FAM151B: variants seen among roughly 807,000 people sequenced by gnomAD.
The protein encoded by FAM151B is family with sequence similarity 151 member B, also known as protein FAM151B.
In FAM151B, 24 loss-of-function variants were observed where a neutral mutation model predicts 31.2. That is an observed-to-expected ratio of 0.77 (90% CI 0.56 to 1.08). FAM151B has a LOEUF of 1.08. FAM151B is among the 50% of genes least tolerant of loss of function. The pLI is 0.00. For missense variants in FAM151B, 293 were observed against 328.6 expected, an observed-to-expected ratio of 0.89 and a Z score of 0.84; for synonymous variants, 105 against 111.4, an observed-to-expected ratio of 0.94 and a Z score of 0.36.
rs1743764732 is a variant in FAM151B, at chr5:80,501,920, AAGTC to A, written c.151+7_151+10del. 1.9e-6 allele frequency: 3 copies of A among 1,589,240 alleles called. No individual in the cohort carries two copies. In the Admixed American group the frequency reaches 5.2e-5, roughly 28 times the overall value. On this transcript the variant is annotated splice_donor_5th_base_variant and intron_variant, in intron 2 of 5. Coordinates refer to ENST00000282226, the MANE Select transcript of FAM151B (RefSeq NM_205548.3). ...ACAAACAAATGAGGCACTGAAAAGT[AAGTC>A]AGTACAGTTACTTGTAATTTACTTT... is the stretch of plus-strand genomic sequence containing the variant.
intron 5 of FAM151B, among the ~76,000 whole-genome samples, chr5:80,539,616 C>T (rs968387085): frequency 7.9e-5 from 12 of 152,036 alleles, no homozygotes; most frequent in Non-Finnish European, 1.2e-4. Context: ...CTCAGCCTCC[C>T]GAGTTAATGG....
At chr5:80,525,413 A>G (rs181814) in intron 5 of FAM151B, among the ~76,000 whole-genome samples, 118,736 of 152,078 alleles carry the variant, frequency 0.78, 46,563 homozygotes, top group African/African-American at 0.83. Context: ...TCCACTCTGC[A>G]GTAACACCCT....
At chr5:80,500,069 T>A in intron 1 of FAM151B, 1 of 227,520 alleles carries the variant, frequency 4.4e-6, no homozygotes, top group Non-Finnish European at 8.7e-6. Flanking sequence ...TATTCAGCCC[T>A]AAAGAAGAAT....
intron 1 of FAM151B, chr5:80,500,369 G>T: frequency 8.3e-7 from 1 of 1,206,928 alleles, no homozygotes; most frequent in South Asian, 1.2e-5. Flanking sequence ...GGTTCCTGCT[G>T]TGCCAGAAAC....
intron 5 of FAM151B, among the ~76,000 whole-genome samples, chr5:80,524,726 G>A (rs751006680): frequency 2.0e-5 from 3 of 152,290 alleles, no homozygotes; most frequent in South Asian, 2.1e-4. Flanking sequence ...GCTGATAACA[G>A]TGTTTCAGAT....
chr5:80,513,242 G>A (rs1744262959), intron 2 of FAM151B, among the ~76,000 whole-genome samples: 1 of 152,164 alleles, frequency 6.6e-6, no homozygotes, highest in African/African-American at 2.4e-5. Context: ...TCTAATTTGA[G>A]GAGTGAGAAG....
chr5:80,526,862 G>C (rs1201054341), intron 5 of FAM151B, among the ~76,000 whole-genome samples: 1 of 151,946 alleles, frequency 6.6e-6, no homozygotes, highest in African/African-American at 2.4e-5. Context: ...GTGGGGGCAG[G>C]GATTCTATTG....
chr5:80,504,228 C>A (rs973453088), intron 2 of FAM151B, among the ~76,000 whole-genome samples: 2 of 152,194 alleles, frequency 1.3e-5, no homozygotes, highest in African/African-American at 2.4e-5. Flanking sequence ...ATCTAGGAGT[C>A]ATTTTTTCGC....
intron 1 of FAM151B, chr5:80,500,901 T>G: frequency 1.3e-6 from 1 of 787,834 alleles, no homozygotes; most frequent in Admixed American, 1.7e-5. Flanking sequence ...AGGATCTGAT[T>G]CATGAGATCT....
chr5:80,489,626 T>TA (rs1434869100), intron 1 of FAM151B, among the ~76,000 whole-genome samples: 2 of 152,214 alleles, frequency 1.3e-5, no homozygotes, highest in African/African-American at 2.4e-5. Flanking sequence ...TGCCATTTTT[T>TA]AAAAAACAAA....
At chr5:80,505,562 T>C (rs1743922068) in intron 2 of FAM151B, among the ~76,000 whole-genome samples, 3 of 151,326 alleles carry the variant, frequency 2.0e-5, no homozygotes, top group Non-Finnish European at 4.4e-5. Context: ...GCCTGGCTAA[T>C]TTTTTGTATT....
chr5:80,522,228 G>A lies in FAM151B; in HGVS notation c.671+90G>A, dbSNP rs1366151423. On this transcript the variant is annotated intron_variant, in intron 5 of 5. Transcript: ENST00000282226. ...AAAATTGATTATTTAAAGACAGTGT[G>A]TGTGAGAGAAAGGTAGACAGAAAAG... is the stretch of plus-strand genomic sequence containing the variant. The A allele has an allele frequency of 3.0e-6, 4 of 1,347,446 alleles. No homozygotes were observed. The South Asian group carries it at 4.7e-5, about 16-fold the overall frequency. The allele number at this position is 1,347,446 out of a possible 1,614,324, so 83.5% of individuals were successfully genotyped here.
At chr5:80,505,585 G>A (rs911060575) in intron 2 of FAM151B, among the ~76,000 whole-genome samples, 5 of 151,188 alleles carry the variant, frequency 3.3e-5, no homozygotes, top group African/African-American at 7.3e-5. Flanking sequence ...TAGTAGAGAC[G>A]GGGTTTCACT....
intron 3 of FAM151B, among the ~76,000 whole-genome samples, chr5:80,517,739 A>G (rs1185337428): frequency 6.6e-6 from 1 of 152,198 alleles, no homozygotes; most frequent in East Asian, 1.9e-4. Context: ...CTTAGTAAAC[A>G]CTGGTGGAAT....
chr5:80,506,125 A>C, intron 2 of FAM151B: 1 of 985,206 alleles, frequency 1.0e-6, no homozygotes, highest in Non-Finnish European at 1.2e-6. Context: ...TTCCATTTGT[A>C]GCTCCAGGGG....
intron 5 of FAM151B, among the ~76,000 whole-genome samples, chr5:80,536,380 T>C (rs1745518307): frequency 6.6e-6 from 1 of 152,050 alleles, no homozygotes; most frequent in South Asian, 2.1e-4. Context: ...TTCACCATCC[T>C]GGCCAGGCTG....
At chr5:80,526,853 TGGGG>T (rs1220812543) in intron 5 of FAM151B, among the ~76,000 whole-genome samples, 1 of 151,352 alleles carries the variant, frequency 6.6e-6, no homozygotes, top group Non-Finnish European at 1.5e-5. Context: ...AGATGAGGGG[TGGGG>T]GCAGGGATTC....
chr5:80,508,199 C>G (rs1003272098), intron 2 of FAM151B, among the ~76,000 whole-genome samples: 2 of 152,058 alleles, frequency 1.3e-5, no homozygotes, highest in African/African-American at 4.8e-5. Context: ...GGTTGTTTCC[C>G]TTTTTTGCTA....
chr5:80,536,478 G>A (rs1745522684), intron 5 of FAM151B, among the ~76,000 whole-genome samples: 1 of 151,948 alleles, frequency 6.6e-6, no homozygotes, highest in African/African-American at 2.4e-5. Flanking sequence ...GCCCAGACAG[G>A]TCTTAGTTTT....
Sources: gnomAD v4.1 joint callset for allele counts (sites outside exome capture counted in the v4.1 genomes callset) on GRCh38, gnomAD v4.1.1 for gene constraint, MANE v1.5 for transcripts, NCBI Gene and HGNC (gene_info 2026-07-23, HGNC 2026-07-21) for gene names.